Variants in BCL2L13 observed in about 807,000 individuals in gnomAD.
BCL2L13 encodes the protein bcl-2-like protein 13.
A neutral mutation model predicts 25.8 loss-of-function variants in BCL2L13; 13 were observed. The ratio of observed to expected loss-of-function variants is 0.50; its 90% CI spans 0.33 to 0.80. BCL2L13 has a LOEUF of 0.80. BCL2L13 is among the 30% of genes least tolerant of loss of function. BCL2L13 has a pLI of 0.02. For synonymous variants in BCL2L13, 244 were observed against 230.3 expected (o/e 1.06, Z -0.54); for missense variants, 504 against 574.9 (o/e 0.88, Z 1.26).
At chr22:17,699,356 A>C (rs1170762295) in intron 5 of BCL2L13, among the ~76,000 whole-genome samples, 1 of 152,202 alleles carries the variant, frequency 6.6e-6, no homozygotes, top group South Asian at 2.1e-4. Flanking sequence ...ACTATAAATT[A>C]GTACGCTTCA....
At chr22:17,703,169 A>G (rs1008334902) in intron 6 of BCL2L13, 2 of 143,940 alleles carry the variant, frequency 1.4e-5, no homozygotes, top group East Asian at 3.9e-4. Flanking sequence ...CAAAATATAT[A>G]TATACACACA....
upstream of BCL2L13, among the ~76,000 whole-genome samples, chr22:17,635,993 A>G (rs113398832): frequency 0.15 from 22,626 of 151,620 alleles, 2,103 homozygotes; most frequent in Non-Finnish European, 0.21. Flanking sequence ...ATAGGCGTGA[A>G]CCACCACGCC....
chr22:17,714,574 A>AT (rs1200006032), intron 6 of BCL2L13, among the ~76,000 whole-genome samples: 1 of 152,230 alleles, frequency 6.6e-6, no homozygotes, highest in Non-Finnish European at 1.5e-5. Context: ...AGGATTCGTT[A>AT]GATCAGCTTA....
intron 2 of BCL2L13, among the ~76,000 whole-genome samples, chr22:17,658,120 G>T (rs188737719): frequency 6.6e-6 from 1 of 151,728 alleles, no homozygotes; most frequent in African/African-American, 2.4e-5. Context: ...ACGCCCGGCC[G>T]ACATTTCTTT....
chr22:17,687,942 T>C (rs2145614934), intron 3 of BCL2L13, among the ~76,000 whole-genome samples: 1 of 151,132 alleles, frequency 6.6e-6, no homozygotes, highest in African/African-American at 2.4e-5. Context: ...CTCAGGCTCC[T>C]GAGTAGCTGG....
intron 5 of BCL2L13, among the ~76,000 whole-genome samples, chr22:17,701,915 C>CAAA (rs5844321): frequency 2.9e-4 from 30 of 104,416 alleles, no homozygotes; most frequent in East Asian, 2.2e-3. Context: ...GACTCCATCT[C>CAAA]AAAAAAAAAA....
intron 1 of BCL2L13, among the ~76,000 whole-genome samples, chr22:17,640,643 G>A (rs2058241618): frequency 6.6e-6 from 1 of 151,562 alleles, no homozygotes; most frequent in Non-Finnish European, 1.5e-5. Context: ...CATTGCTTGA[G>A]CCCGGGAGTT....
Position 17,656,239 on chromosome 22 carries a change from C to CAA in BCL2L13, c.121+419_121+420dup, listed in dbSNP as rs71201857. ...TGGGCAATAGAGTGAGACTCCATCT[C>CAA]AAAAAAAAAAAAATATACACAAAAA... is the stretch of plus-strand genomic sequence containing the variant. On this transcript the variant is annotated intron_variant, in intron 2 of 6. Transcript: ENST00000317582. Among the ~76,000 whole-genome samples the CAA allele has an allele frequency of 5.7e-3, 761 of 134,436 alleles. 11 individuals are homozygous for CAA. Among genetic ancestry groups the CAA allele is most frequent in the African/African-American group, 0.019 (690 of 35,644 alleles). The allele number at this position is 134,436 out of a possible 152,430, so 88.2% of individuals were successfully genotyped here.
chr22:17,673,430 C>T (rs1276298305), intron 2 of BCL2L13, among the ~76,000 whole-genome samples: 1 of 148,106 alleles, frequency 6.8e-6, no homozygotes, highest in Admixed American at 6.8e-5. Flanking sequence ...TGCAGTGGTG[C>T]GATCTCGGCT....
chr22:17,715,122 T>TTATATA (rs1371492072), intron 6 of BCL2L13, among the ~76,000 whole-genome samples: 75 of 52,946 alleles, frequency 1.4e-3, no homozygotes, highest in Non-Finnish European at 2.0e-3. Context: ...AGTGTTAATT[T>TTATATA]TATATATATA....
intron 6 of BCL2L13, 54 bp from the exon 7 acceptor site, chr22:17,726,623 T>G: frequency 3.9e-6 from 6 of 1,551,998 alleles, no homozygotes; most frequent in Non-Finnish European, 4.4e-6. Flanking sequence ...GATTGATGTT[T>G]ATGTTTTAAA....
Position 17,726,899 on chromosome 22 carries a change from T to A in BCL2L13, c.823T>A (p.Ser275Thr). The A allele has an allele frequency of 6.2e-7, 1 of 1,614,074 alleles. No individual in the cohort carries two copies. Among genetic ancestry groups the A allele is most frequent in the African/African-American group, 1.3e-5 (1 of 75,010 alleles). The change falls in exon 7 of 7, where the codon TCC (serine) becomes ACC (threonine). Residue 275 changes from serine to threonine, a missense_variant. Transcript: ENST00000317582. Reference protein sequence around the residue: ...ESLPVSLGPESWQQIAMDPEE... With the variant: ...ESLPVSLGPETWQQIAMDPEE... ...CCTGCCAGTGTCACTAGGCCCTGAG[T>A]CCTGGCAGCAGATTGCAATGGATCC...
At chr22:17,681,120 C>T (rs2059740928) in intron 2 of BCL2L13, among the ~76,000 whole-genome samples, 1 of 152,002 alleles carries the variant, frequency 6.6e-6, no homozygotes, top group Admixed American at 6.6e-5. Context: ...TCAGGTTACC[C>T]AATAGTACAA....
chr22:17,699,858 G>A (rs188306079), intron 5 of BCL2L13, among the ~76,000 whole-genome samples: 316 of 152,220 alleles, frequency 2.1e-3, no homozygotes, highest in African/African-American at 7.2e-3. Flanking sequence ...TTAACTCATG[G>A]AGCTTTGTGT....
chr22:17,697,265 G>A (rs963515565), intron 5 of BCL2L13, among the ~76,000 whole-genome samples: 3 of 151,892 alleles, frequency 2.0e-5, no homozygotes, highest in Admixed American at 6.6e-5. Flanking sequence ...GTGGAGAATC[G>A]CCGTCTCTAC....
chr22:17,718,289 C>T (rs537885264), intron 6 of BCL2L13, among the ~76,000 whole-genome samples: 12 of 151,982 alleles, frequency 7.9e-5, no homozygotes, highest in Non-Finnish European at 1.8e-4. Flanking sequence ...ATATTTAGTA[C>T]TTAATGATTA....
rs770410371 is a variant in BCL2L13, at chr22:17,680,511, C to CAAAA, written c.122-2676_122-2673dup. Among the ~76,000 whole-genome samples, 78 of 13,232 alleles carry CAAAA rather than the reference C, an allele frequency of 5.9e-3. 5 individuals are homozygous for CAAAA. The highest frequency in any genetic ancestry group is 0.017 in the African/African-American group (55 of 3,312). 8.7% of individuals were successfully genotyped at this position (13,232 alleles called of 152,430 possible). The stretch of plus-strand genomic sequence containing the variant: ...CCTGGGAGAGAGCGAGACTCTGTCT[C>CAAAA]AAAAAAAAAAAAAAAAAAAAAAAAA... On this transcript the variant is annotated intron_variant, in intron 2 of 6. Coordinates refer to ENST00000317582, the MANE Select transcript of BCL2L13 (RefSeq NM_015367.4).
At chr22:17,649,431 A>C (rs1257578661) in intron 1 of BCL2L13, among the ~76,000 whole-genome samples, 3 of 152,036 alleles carry the variant, frequency 2.0e-5, no homozygotes, top group Non-Finnish European at 2.9e-5. Flanking sequence ...TCAAAATGTA[A>C]ATACTTTCTT....
At chr22:17,640,184 C>T (rs2058224509) in intron 1 of BCL2L13, among the ~76,000 whole-genome samples, 1 of 152,104 alleles carries the variant, frequency 6.6e-6, no homozygotes, top group Admixed American at 6.6e-5. Flanking sequence ...CCCGCGCCAC[C>T]GCATGAAGTA....
Sources: gnomAD v4.1 joint callset for allele counts (sites outside exome capture counted in the v4.1 genomes callset) on GRCh38, gnomAD v4.1.1 for gene constraint, MANE v1.5 for transcripts, NCBI Gene and HGNC (gene_info 2026-07-23, HGNC 2026-07-21) for gene names.